The following MAGI2 variants were observed in gnomAD, a reference collection of about 807,000 sequenced individuals.
MAGI2 encodes the protein membrane-associated guanylate kinase, WW and PDZ domain-containing protein 2.
Under a neutral mutation model 133.3 loss-of-function variants are expected in MAGI2, and 35 were observed. That is an observed-to-expected ratio of 0.26 (90% CI 0.20 to 0.35). MAGI2 has a LOEUF of 0.35. Ranked by LOEUF, MAGI2 falls within the 10% of genes least tolerant of loss-of-function variation. MAGI2 has a pLI of 1.00. For missense variants in MAGI2, 1,636 were observed against 1,863.4 expected (o/e 0.88, Z 2.25); for synonymous variants, 729 against 710.6 (o/e 1.03, Z -0.41).
At chr7:79,134,984 G>A (rs570197962) in intron 1 of MAGI2, among the ~76,000 whole-genome samples, 1 of 152,312 alleles carries the variant, frequency 6.6e-6, no homozygotes, top group Admixed American at 6.5e-5. Flanking sequence ...ATAGTGTTAT[G>A]GGGTTGGCTG....
At chr7:78,197,211 C>G (rs547858598) in intron 11 of MAGI2, among the ~76,000 whole-genome samples, 1 of 152,284 alleles carries the variant, frequency 6.6e-6, no homozygotes, top group East Asian at 1.9e-4. Flanking sequence ...TGTGGAAGGC[C>G]ACATTTGTGG....
rs936991917 is a variant in MAGI2, at chr7:78,501,768, G to T, written c.774C>A (p.Asp258Glu). Residue 258 changes from aspartate to glutamate, a missense_variant, in exon 5 of 22, where the codon GAC (aspartate) becomes GAA (glutamate). This residue lies in a region of MAGI2 where 165 missense variants were observed against 128.4 expected (regional missense o/e 1.28). Transcript: ENST00000354212. ...TCTCCCCTGAGGCACCTGCACTTTT[G>T]TCTTCATGTTCACTGGATTCTATAA... is the stretch of plus-strand genomic sequence containing the variant. ...VVTPESSEHEDKSAGASGEMP... is the reference protein window; with the variant it reads ...VVTPESSEHEEKSAGASGEMP... The T allele has an allele frequency of 6.8e-6, 11 of 1,613,538 alleles. No individual in the cohort carries two copies. The highest frequency in any genetic ancestry group is 4.0e-5 in the African/African-American group (3 of 74,896).
chr7:78,992,684 T>C (rs999310608), intron 2 of MAGI2, among the ~76,000 whole-genome samples: 1 of 152,022 alleles, frequency 6.6e-6, no homozygotes, highest in Non-Finnish European at 1.5e-5. Context: ...TCCAACTTGC[T>C]TGTAGTCATA....
At chr7:79,228,205 G>A (rs1008677324) in intron 1 of MAGI2, among the ~76,000 whole-genome samples, 37 of 151,144 alleles carry the variant, frequency 2.4e-4, no homozygotes, top group Non-Finnish European at 5.0e-4. Context: ...TTAGTCAGGC[G>A]TGGTGGCATG....
intron 1 of MAGI2, chr7:79,177,065 C>T (rs1418754282): frequency 1.3e-5 from 2 of 151,968 alleles, no homozygotes; most frequent in African/African-American, 2.4e-5. Context: ...CTTTGCTGCC[C>T]TCTGTAGATA....
At chr7:78,067,213 C>G (rs1293459028) in intron 21 of MAGI2, among the ~76,000 whole-genome samples, 1 of 152,212 alleles carries the variant, frequency 6.6e-6, no homozygotes, top group East Asian at 1.9e-4. Flanking sequence ...CAAAAATGAT[C>G]AAGCTGTTTC....
intron 10 of MAGI2, among the ~76,000 whole-genome samples, chr7:78,240,143 C>A (rs1790984829): frequency 6.6e-6 from 1 of 152,190 alleles, no homozygotes; most frequent in South Asian, 2.1e-4. Flanking sequence ...AGCCTCCTGC[C>A]CCCTGATAGG....
intron 1 of MAGI2, among the ~76,000 whole-genome samples, chr7:79,323,129 C>T (rs1483099714): frequency 2.0e-5 from 3 of 152,010 alleles, no homozygotes; most frequent in Admixed American, 2.0e-4. Flanking sequence ...TGTGCCTGGC[C>T]CCAGTTAGCT....
chr7:78,334,604 C>A (rs1789560655), intron 9 of MAGI2, among the ~76,000 whole-genome samples: 1 of 152,156 alleles, frequency 6.6e-6, no homozygotes, highest in Non-Finnish European at 1.5e-5. Context: ...CAGTTCTGAG[C>A]ATAGGCTTGG....
chr7:78,495,331 C>T (rs1358798244), intron 5 of MAGI2, among the ~76,000 whole-genome samples: 3 of 151,994 alleles, frequency 2.0e-5, no homozygotes, highest in Admixed American at 6.6e-5. Flanking sequence ...TCTCATTGTT[C>T]AACTCCTGCT....
intron 9 of MAGI2, among the ~76,000 whole-genome samples, chr7:78,319,055 C>T (rs1472838492): frequency 1.3e-5 from 2 of 152,158 alleles, no homozygotes; most frequent in Admixed American, 6.6e-5. Context: ...GAAACTGCAT[C>T]AACTAACAGG....
chr7:78,845,085 T>A (rs1212904439), intron 2 of MAGI2, among the ~76,000 whole-genome samples: 1 of 151,934 alleles, frequency 6.6e-6, no homozygotes, highest in Non-Finnish European at 1.5e-5. Context: ...TAGAAGTAAC[T>A]GTTCCCCCTG....
intron 1 of MAGI2, among the ~76,000 whole-genome samples, chr7:79,287,369 G>C (rs1191438514): frequency 6.6e-6 from 1 of 151,956 alleles, no homozygotes; most frequent in African/African-American, 2.4e-5. Context: ...TCTAAGAGGG[G>C]CATATTGAAA....
At chr7:78,275,871 T>G (rs2150998169) in intron 9 of MAGI2, among the ~76,000 whole-genome samples, 1 of 152,316 alleles carries the variant, frequency 6.6e-6, no homozygotes, top group South Asian at 2.1e-4. Context: ...ATCAGTTCTC[T>G]TAGGTCTAGA....
chr7:78,415,309 G>A (rs1798200761), intron 6 of MAGI2, among the ~76,000 whole-genome samples: 1 of 150,472 alleles, frequency 6.6e-6, no homozygotes, highest in African/African-American at 2.4e-5. Context: ...GCTGTGTAGA[G>A]CACTGAGGTG....
intron 1 of MAGI2, among the ~76,000 whole-genome samples, chr7:79,153,549 A>G (rs1249531026): frequency 3.3e-5 from 5 of 152,220 alleles, no homozygotes; most frequent in Admixed American, 6.5e-5. Flanking sequence ...AGACCTAAGC[A>G]TAAGAGTAAC....
At chr7:78,239,998 T>A (rs551814939) in intron 10 of MAGI2, among the ~76,000 whole-genome samples, 26 of 152,100 alleles carry the variant, frequency 1.7e-4, no homozygotes, top group African/African-American at 5.5e-4. Context: ...CTTTTTTTTT[T>A]AATACTTTAA....
intron 6 of MAGI2, among the ~76,000 whole-genome samples, chr7:78,475,779 G>A (rs997932760): frequency 6.6e-6 from 1 of 151,804 alleles, no homozygotes; most frequent in East Asian, 1.9e-4. Flanking sequence ...TAGGGACAAG[G>A]GGTGAGGAGA....
chr7:78,296,113 A>G (rs1340820071), intron 9 of MAGI2, among the ~76,000 whole-genome samples: 2 of 152,160 alleles, frequency 1.3e-5, no homozygotes, highest in Non-Finnish European at 2.9e-5. Context: ...CTTGCCCCAG[A>G]GAGTCCATTG....
Sources: gnomAD v4.1 joint callset for allele counts (sites outside exome capture counted in the v4.1 genomes callset) on GRCh38, gnomAD v4.1.1 for gene constraint, gnomAD v4.1.1 regional missense constraint, MANE v1.5 for transcripts, NCBI Gene and HGNC (gene_info 2026-07-23, HGNC 2026-07-21) for gene names.